The following INSL6 variants were observed in gnomAD, a reference collection of about 807,000 sequenced individuals.
INSL6 encodes insulin like 6.
Under a neutral mutation model 9.4 loss-of-function variants are expected in INSL6, and 16 were observed. The observed-to-expected ratio is 1.70, with a 90% CI of 1.15 to 2.59. The LOEUF is 2.59. INSL6 is among the 30% of genes most tolerant of loss of function. INSL6 has a pLI of 0.00. For missense variants in INSL6, 391 were observed against 257.3 expected, an observed-to-expected ratio of 1.52 and a Z score of -3.56; for synonymous variants, 154 against 96.9, an observed-to-expected ratio of 1.59 and a Z score of -3.46.
the INSL6 span, among the ~76,000 whole-genome samples, chr9:5,012,670 T>C: frequency 6.6e-6 from 1 of 152,214 alleles, no homozygotes; most frequent in Non-Finnish European, 1.5e-5. Context: ...GATTTGTATC[T>C]CAGGATTTTT....
the INSL6 span, among the ~76,000 whole-genome samples, chr9:5,116,700 G>A: frequency 6.6e-6 from 1 of 152,178 alleles, no homozygotes; most frequent in East Asian, 1.9e-4. Context: ...GGGATATGAA[G>A]ATAGGCTTAG....
the INSL6 span, chr9:5,107,938 A>G: frequency 6.6e-6 from 1 of 152,204 alleles, no homozygotes; most frequent in African/African-American, 2.4e-5. Context: ...GCTAAAAATT[A>G]TTCCGACAAT....
chr9:5,041,724 G>A, the INSL6 span: 5 of 498,452 alleles, frequency 1.0e-5, no homozygotes, highest in Admixed American at 6.8e-5. Flanking sequence ...CGAGGGGCTC[G>A]GGAAGCCCTT....
the INSL6 span, chr9:5,054,905 CTTG>C: frequency 6.7e-7 from 1 of 1,496,786 alleles, no homozygotes; most frequent in Non-Finnish European, 9.1e-7. This position sits in a 1 kb window ranked among gnomAD's most constrained non-coding sequence, Gnocchi z 4.9. Context: ...ATGATATGTT[CTTG>C]TTCTTTGTTA....
At chr9:5,151,845 T>C (rs749573835) in intron 2 of INSL6, among the ~76,000 whole-genome samples, 1 of 152,122 alleles carries the variant, frequency 6.6e-6, no homozygotes, top group African/African-American at 2.4e-5. Context: ...AAGCATACAC[T>C]GTGAACTTGA....
At chr9:5,162,831 A>G (rs1419344939), downstream of INSL6, among the ~76,000 whole-genome samples, 18 of 152,228 alleles carry the variant, frequency 1.2e-4, no homozygotes, top group Admixed American at 1.2e-3. Flanking sequence ...TATAGTATAC[A>G]TTTCAGAAAG....
the INSL6 span, among the ~76,000 whole-genome samples, chr9:5,066,218 C>T: frequency 6.6e-6 from 1 of 152,076 alleles, no homozygotes; most frequent in East Asian, 1.9e-4. Context: ...TTGTCAGTTG[C>T]CATGGTTCTT....
the INSL6 span, among the ~76,000 whole-genome samples, chr9:5,039,943 G>A: frequency 6.6e-6 from 1 of 152,078 alleles, no homozygotes; most frequent in African/African-American, 2.4e-5. Flanking sequence ...TGTCTTTATT[G>A]CAGAAATTGA....
At chr9:5,160,805 G>A (rs1824910711), downstream of INSL6, among the ~76,000 whole-genome samples, 1 of 152,044 alleles carries the variant, frequency 6.6e-6, no homozygotes, top group Non-Finnish European at 1.5e-5. Flanking sequence ...AGGCTACAAT[G>A]AGCAACTATA....
At chr9:5,017,249 A>G in the INSL6 span, among the ~76,000 whole-genome samples, 1 of 152,234 alleles carries the variant, frequency 6.6e-6, no homozygotes, top group Non-Finnish European at 1.5e-5. Context: ...ACAGAGCCCC[A>G]CTGAAAGGTC....
intron 2 of INSL6, among the ~76,000 whole-genome samples, chr9:5,151,511 G>A (rs1824712657): frequency 6.6e-6 from 1 of 152,116 alleles, no homozygotes; most frequent in South Asian, 2.1e-4. Context: ...TGGACGGGGG[G>A]TGGGGATGGA....
chr9:5,117,746 CA>C, the INSL6 span, among the ~76,000 whole-genome samples: 1 of 151,860 alleles, frequency 6.6e-6, no homozygotes, highest in Non-Finnish European at 1.5e-5. Context: ...CTCACAGAAA[CA>C]AAAGTTTTTT....
the INSL6 span, among the ~76,000 whole-genome samples, chr9:4,996,623 C>A: frequency 6.6e-6 from 1 of 151,480 alleles, no homozygotes. Context: ...TGCATCAGAT[C>A]TTCAGTTGTA....
the INSL6 span, among the ~76,000 whole-genome samples, chr9:5,116,575 C>T: frequency 3.3e-5 from 5 of 152,004 alleles, no homozygotes; most frequent in South Asian, 2.1e-4. Flanking sequence ...AATTAGCTGG[C>T]AATCAAAAAA....
At chr9:5,036,111 T>C in the INSL6 span, among the ~76,000 whole-genome samples, 2 of 152,202 alleles carry the variant, frequency 1.3e-5, no homozygotes, top group African/African-American at 4.8e-5. Context: ...AGCCAAATCA[T>C]GAGTGAACTC....
the INSL6 span, among the ~76,000 whole-genome samples, chr9:5,106,204 A>T: frequency 6.6e-6 from 1 of 152,228 alleles, no homozygotes. Context: ...GAAATTTACA[A>T]GAAAAAAACA....
At chr9:5,073,445 A>G in the INSL6 span, among the ~76,000 whole-genome samples, 1 of 152,130 alleles carries the variant, frequency 6.6e-6, no homozygotes, top group African/African-American at 2.4e-5. Flanking sequence ...TTTGACTGGC[A>G]TTATTCATGA....
chr9:5,170,946 T>C (rs898934184), intron 1 of INSL6, among the ~76,000 whole-genome samples: 2 of 152,140 alleles, frequency 1.3e-5, no homozygotes, highest in African/African-American at 2.4e-5. Context: ...TCTGAAACTA[T>C]TCCAAACAAT....
the INSL6 span, chr9:5,114,186 G>T: frequency 2.2e-6 from 1 of 456,690 alleles, no homozygotes; most frequent in East Asian, 5.1e-5. Context: ...CCCGCAAGGG[G>T]TGAGCACCTA....
Sources: gnomAD v4.1 joint callset for allele counts (sites outside exome capture counted in the v4.1 genomes callset) on GRCh38, gnomAD v4.1.1 for gene constraint, Gnocchi (gnomAD v3.1) non-coding constraint, MANE v1.5 for transcripts, NCBI Gene and HGNC (gene_info 2026-07-23, HGNC 2026-07-21) for gene names.